Variants in GPR155 observed in about 807,000 individuals in gnomAD.
GPR155 encodes lysosomal cholesterol signaling protein.
In GPR155, 65 loss-of-function variants were observed where a neutral mutation model predicts 93.1. The observed-to-expected ratio is 0.70, with a 90% confidence interval of 0.57 to 0.86. The LOEUF (loss-of-function observed/expected upper bound fraction) is 0.86, where lower values mean the gene tolerates loss of function less well. GPR155 is among the 40% of genes least tolerant of loss of function. The pLI is 0.00. For synonymous variants in GPR155, 319 were observed against 360.1 expected, an observed-to-expected ratio of 0.89 and a Z score of 1.29; for missense variants, 838 against 1,034.8, an observed-to-expected ratio of 0.81 and a Z score of 2.61.
At position 174,466,597 on chromosome 2, in the gene GPR155, T is replaced by C. The variant is rs1687843909; in HGVS notation, c.1213A>G (p.Lys405Glu). 4 of 1,593,404 alleles carry C rather than the reference T, an allele frequency of 2.5e-6. No individual in the cohort carries two copies. Among genetic ancestry groups the C allele is most frequent in the Non-Finnish European group, 2.6e-6 (3 of 1,164,354 alleles). Residue 405 changes from lysine (K) to glutamate (E), a missense_variant, in exon 6 of 16, where the codon AAG becomes GAG. Coordinates refer to ENST00000392552, the MANE Select transcript of GPR155 (RefSeq NM_152529.7). ...IWSLAILLLS[K>E]KYKQLPHMLT... ...ATATGAGGAAGCTGTTTATATTTCT[T>C]ACTCAAAAGAAGAATAGCCAGAGAC...
chr2:174,479,527 T>A (rs554951830), intron 2 of GPR155, among the ~76,000 whole-genome samples: 1 of 152,124 alleles, frequency 6.6e-6, no homozygotes, highest in Non-Finnish European at 1.5e-5. Flanking sequence ...TATTTGAAAA[T>A]GAGGATAAAA....
chr2:174,448,082 A>C (rs1338133748), intron 11 of GPR155, among the ~76,000 whole-genome samples: 1 of 152,138 alleles, frequency 6.6e-6, no homozygotes, highest in Non-Finnish European at 1.5e-5. Flanking sequence ...TAAGATTTAA[A>C]TGTAATGTCT....
chr2:174,483,530 A>G (rs1271088757), intron 1 of GPR155, among the ~76,000 whole-genome samples: 1 of 152,136 alleles, frequency 6.6e-6, no homozygotes, highest in East Asian at 1.9e-4. Context: ...GATAACTCTA[A>G]AGCTAATCAG....
chr2:174,442,240 G>C (rs1445393905), intron 13 of GPR155, 57 bp from the exon 14 acceptor site: 1 of 962,912 alleles, frequency 1.0e-6, no homozygotes, highest in Non-Finnish European at 1.7e-6. Flanking sequence ...TTTTAAAACA[G>C]AGAAGTTAAG....
At chr2:174,478,619 G>A (rs372386949) in intron 2 of GPR155, among the ~76,000 whole-genome samples, 4 of 152,044 alleles carry the variant, frequency 2.6e-5, no homozygotes, top group Admixed American at 6.5e-5. Context: ...AGTATGTAGC[G>A]AAAGAAAACG....
In GPR155 at chr2:174,436,276, A is replaced by AT. The variant is rs753992209; in HGVS notation, c.2452dup (p.Ile818AsnfsTer6). ...ATCCCGGAATTCATACTCGTTGGTA[A>AT]TATGTTGGATGACTCCCCCTTGTAC... On this transcript the variant is annotated frameshift_variant, in exon 16 of 16. Transcript: ENST00000392552. LOFTEE classifies it high-confidence loss of function. 11 of 1,614,024 alleles carry AT rather than the reference A, an allele frequency of 6.8e-6. No homozygotes were observed. The highest frequency in any genetic ancestry group is 9.3e-6 in the Non-Finnish European group (11 of 1,180,010).
At position 174,434,714 on chromosome 2, in the gene GPR155, T is replaced by A. The variant is rs1028124415; in HGVS notation, c.*1402A>T. On this transcript the variant is annotated 3_prime_UTR_variant, in exon 16 of 16. Coordinates refer to ENST00000392552, the MANE Select transcript of GPR155 (RefSeq NM_152529.7). ...TGCGCCTCCCAGGCTCAAGGGGTAC[T>A]CCCACCTCAGTCTCCAAAGTAGCTG... 9.9e-5 allele frequency: 15 copies of A among 152,220 alleles called. No homozygotes were observed. Among genetic ancestry groups the A allele is most frequent in the African/African-American group, 3.6e-4 (15 of 41,534 alleles). 9.4% of individuals were successfully genotyped at this position (152,220 alleles called of 1,614,324 possible).
rs1382275909 is a variant in GPR155 at position 174,435,425 on chromosome 2, G to A, written c.*691C>T. ...ATGATTAAACTATATGGGAGAATGT[G>A]CATAGGTTATATGCAAATACTACAC... On this transcript the variant is annotated 3_prime_UTR_variant, in exon 16 of 16. Coordinates refer to ENST00000392552, the MANE Select transcript of GPR155 (RefSeq NM_152529.7). The A allele has an allele frequency of 6.6e-6, 1 of 150,630 alleles. No individual in the cohort carries two copies. The highest frequency in any genetic ancestry group is 1.9e-4 in the East Asian group (1 of 5,204). 9.3% of individuals were successfully genotyped at this position (150,630 alleles called of 1,614,324 possible). A position where few individuals can be genotyped will look rare whatever the true frequency, so the allele number is the denominator to read the frequency against.
chr2:174,447,001 A>G (rs1260565632), intron 11 of GPR155, among the ~76,000 whole-genome samples: 1 of 152,184 alleles, frequency 6.6e-6, no homozygotes, highest in East Asian at 1.9e-4. Context: ...TTTTATATAT[A>G]TAATTATCTA....
At chr2:174,440,074 A>G (rs748562173) in intron 14 of GPR155, 39 bp from the exon 15 acceptor site, 1 of 1,573,050 alleles carries the variant, frequency 6.4e-7, no homozygotes, top group Admixed American at 1.8e-5. Context: ...AGGACAGAAA[A>G]GCACTGAGAG....
rs140475707 is a variant in GPR155 at position 174,455,994 on chromosome 2, C to T, written c.1772-2153G>A. Among the ~76,000 whole-genome samples, 85 of 152,132 alleles carry T rather than the reference C, an allele frequency of 5.6e-4. 2 individuals are homozygous for T. The South Asian group carries it at 8.5e-3, about 15-fold the overall frequency. ...TAGCTGGGTCTACAGGCGTCTGCCA[C>T]CACAGCCTGGCAAATTCTTGTATTT... On this transcript the variant is annotated intron_variant, in intron 10 of 15. Transcript: ENST00000392552.
At chr2:174,460,621 A>G (rs1436743815) in intron 9 of GPR155, among the ~76,000 whole-genome samples, 1 of 152,202 alleles carries the variant, frequency 6.6e-6, no homozygotes, top group Non-Finnish European at 1.5e-5. Flanking sequence ...TGCTTCTTTC[A>G]TGTATAACAA....
At chr2:174,484,710 T>G (rs557978194) in intron 1 of GPR155, among the ~76,000 whole-genome samples, 56 of 152,240 alleles carry the variant, frequency 3.7e-4, no homozygotes, top group African/African-American at 1.3e-3. Context: ...GCAGGTGGAC[T>G]GTGTGAGCCC....
At position 174,443,492 on chromosome 2, in the gene GPR155, G is replaced by GC. The variant is rs1339553507; in HGVS notation, c.2110-1310dup. ...CCCGTTAATACCAGCACTTTGGGAG[G>GC]CCAAGGCAGGTGGATCACTTGAGGT... On this transcript the variant is annotated intron_variant, in intron 13 of 15. Transcript: ENST00000392552. 5.9e-5 allele frequency among the ~76,000 whole-genome samples: 9 copies of GC among 152,328 alleles called. No homozygotes were observed. The East Asian group carries it at 1.7e-3, about 29-fold the overall frequency.
rs1268620718 is a variant in GPR155, at chr2:174,432,182, G to C, written c.*3934C>G. 1.3e-5 allele frequency: 2 copies of C among 152,566 alleles called. No homozygotes were observed. Among genetic ancestry groups the C allele is most frequent in the Non-Finnish European group, 2.9e-5 (2 of 68,018 alleles). 9.5% of individuals were successfully genotyped at this position (152,566 alleles called of 1,614,324 possible). A position where few individuals can be genotyped will look rare whatever the true frequency, so the allele number is the denominator to read the frequency against. ...GAAAACATTGAGAATGTATAGAAAAGACCTCTATGATGGCTTCTGCATTAT... is the reference window on the plus strand; with the variant it reads ...GAAAACATTGAGAATGTATAGAAAACACCTCTATGATGGCTTCTGCATTAT... On this transcript the variant is annotated 3_prime_UTR_variant, in exon 16 of 16. Transcript: ENST00000392552.
chr2:174,476,899 C>T (rs1183549349), intron 2 of GPR155, among the ~76,000 whole-genome samples: 2 of 152,154 alleles, frequency 1.3e-5, no homozygotes, highest in Non-Finnish European at 2.9e-5. Context: ...CATTAATCTC[C>T]CCTCCTCTGG....
At chr2:174,437,316 T>C (rs1686813525) in intron 15 of GPR155, among the ~76,000 whole-genome samples, 1 of 152,054 alleles carries the variant, frequency 6.6e-6, no homozygotes, top group African/African-American at 2.4e-5. Context: ...GAGAAATAGG[T>C]GACAAAAATT....
chr2:174,467,026 G>A (rs1375839890), intron 5 of GPR155, among the ~76,000 whole-genome samples: 3 of 151,970 alleles, frequency 2.0e-5, no homozygotes, highest in Non-Finnish European at 2.9e-5. Flanking sequence ...GCACAGTGGC[G>A]GGCGCCTGTA....
intron 2 of GPR155, among the ~76,000 whole-genome samples, chr2:174,477,493 G>A (rs1053780648): frequency 5.3e-5 from 8 of 152,166 alleles, no homozygotes; most frequent in African/African-American, 1.9e-4. Flanking sequence ...CATAGAGGCA[G>A]AAGAAGTGTA....
Sources: gnomAD v4.1 joint callset for allele counts (sites outside exome capture counted in the v4.1 genomes callset) on GRCh38, gnomAD v4.1.1 for gene constraint, MANE v1.5 for transcripts, NCBI Gene and HGNC (gene_info 2026-07-23, HGNC 2026-07-21) for gene names.